HMCN1: variants seen among roughly 807,000 people sequenced by gnomAD.
HMCN1 encodes the protein hemicentin-1.
In HMCN1, 321 loss-of-function variants were observed where a neutral mutation model predicts 625.9. That is an observed-to-expected ratio of 0.51 (90% CI 0.47 to 0.56). HMCN1 has a LOEUF of 0.56. Ranked by LOEUF, HMCN1 falls within the 20% of genes least tolerant of loss-of-function variation. The pLI is 0.00. For synonymous variants in HMCN1, 2,425 were observed against 2,417.6 expected, an observed-to-expected ratio of 1.00 and a Z score of -0.09; for missense variants, 6,588 against 6,887.3, an observed-to-expected ratio of 0.96 and a Z score of 1.54.
intron 20 of HMCN1, 54 bp from the exon 21 acceptor site, chr1:185,989,434 T>A (rs1652249042): frequency 6.3e-7 from 1 of 1,598,908 alleles, no homozygotes; most frequent in Admixed American, 1.7e-5. Context: ...TCTTTTATAA[T>A]CTTGAAACAA....
At chr1:186,058,223 A>G (rs1379942084) in intron 46 of HMCN1, among the ~76,000 whole-genome samples, 1 of 152,026 alleles carries the variant, frequency 6.6e-6, no homozygotes, top group African/African-American at 2.4e-5. Context: ...CAAACCAGTT[A>G]TGAACTTATG....
At chr1:185,833,144 A>T (rs376607155) in intron 1 of HMCN1, among the ~76,000 whole-genome samples, 98 of 152,214 alleles carry the variant, frequency 6.4e-4, no homozygotes, top group Middle Eastern at 3.4e-3. Context: ...GGAGAAAAGG[A>T]TTATGTCTTT....
intron 41 of HMCN1, among the ~76,000 whole-genome samples, chr1:186,046,519 G>A (rs143542442): frequency 3.1e-4 from 47 of 152,038 alleles, no homozygotes; most frequent in Non-Finnish European, 5.9e-4. Flanking sequence ...TGTCCTTGAT[G>A]TCTTCCAGTC....
At chr1:186,050,757 A>G (rs1656897245) in intron 42 of HMCN1, among the ~76,000 whole-genome samples, 1 of 152,082 alleles carries the variant, frequency 6.6e-6, no homozygotes, top group East Asian at 1.9e-4. Context: ...CATCAAAGAT[A>G]GATTCACTTA....
At chr1:185,927,267 T>C (rs1489056517) in intron 9 of HMCN1, among the ~76,000 whole-genome samples, 1 of 152,184 alleles carries the variant, frequency 6.6e-6, no homozygotes, top group Non-Finnish European at 1.5e-5. Context: ...CAGTACCTCC[T>C]AGATGATGAC....
intron 6 of HMCN1, among the ~76,000 whole-genome samples, chr1:185,919,467 T>C (rs762410750): frequency 6.6e-6 from 1 of 152,200 alleles, no homozygotes; most frequent in Non-Finnish European, 1.5e-5. Flanking sequence ...TTGGTAGATT[T>C]ACTCGTAGAT....
intron 86 of HMCN1, among the ~76,000 whole-genome samples, chr1:186,132,910 C>T (rs984247065): frequency 6.6e-6 from 1 of 151,940 alleles, no homozygotes; most frequent in Non-Finnish European, 1.5e-5. Flanking sequence ...TTCCTCCTTG[C>T]GATAGTTTGC....
At chr1:186,028,628 C>G (rs1655214392) in intron 36 of HMCN1, among the ~76,000 whole-genome samples, 1 of 152,102 alleles carries the variant, frequency 6.6e-6, no homozygotes. Flanking sequence ...ATACCATGTA[C>G]TAGTGACTAT....
intron 46 of HMCN1, among the ~76,000 whole-genome samples, chr1:186,058,790 G>A (rs1657506045): frequency 6.6e-6 from 1 of 151,784 alleles, no homozygotes; most frequent in Non-Finnish European, 1.5e-5. Flanking sequence ...CACTACTGAA[G>A]GCATATTCAG....
intron 69 of HMCN1, among the ~76,000 whole-genome samples, chr1:186,105,063 T>C (rs750561637): frequency 6.6e-6 from 1 of 152,172 alleles, no homozygotes; most frequent in Non-Finnish European, 1.5e-5. Flanking sequence ...GAAAACAAGA[T>C]GAAGGTGTCA....
At chr1:185,857,566 A>G (rs1291436223) in intron 2 of HMCN1, among the ~76,000 whole-genome samples, 2 of 151,954 alleles carry the variant, frequency 1.3e-5, no homozygotes, top group African/African-American at 2.4e-5. Flanking sequence ...TCCTGACTGT[A>G]TGCCAGGACA....
intron 1 of HMCN1, among the ~76,000 whole-genome samples, chr1:185,784,293 C>A (rs541918756): frequency 1.3e-5 from 2 of 152,210 alleles, no homozygotes; most frequent in Non-Finnish European, 2.9e-5. Context: ...TGACCCCTTG[C>A]ACTTCCCGGG....
intron 42 of HMCN1, among the ~76,000 whole-genome samples, chr1:186,052,327 G>A (rs1482029548): frequency 6.6e-6 from 1 of 152,006 alleles, no homozygotes; most frequent in African/African-American, 2.4e-5. Flanking sequence ...TGCAGCCAAG[G>A]AAGTGTCCTT....
chr1:185,833,545 A>C (rs1390515381), intron 1 of HMCN1, among the ~76,000 whole-genome samples: 1 of 152,158 alleles, frequency 6.6e-6, no homozygotes, highest in Non-Finnish European at 1.5e-5. Flanking sequence ...GTCTTCATTG[A>C]TAACTTCTTC....
At chr1:186,125,381 G>A (rs1387271376) in intron 81 of HMCN1, among the ~76,000 whole-genome samples, 6 of 152,130 alleles carry the variant, frequency 3.9e-5, no homozygotes, top group South Asian at 4.2e-4. Flanking sequence ...GAAACCAAAC[G>A]TAAATATATT....
intron 1 of HMCN1, among the ~76,000 whole-genome samples, chr1:185,760,382 C>T (rs1013687066): frequency 6.6e-6 from 1 of 152,066 alleles, no homozygotes; most frequent in Non-Finnish European, 1.5e-5. Flanking sequence ...AGTAGTAGAG[C>T]CCGGGTAGTT....
At chr1:186,073,994 A>G (rs1658633818) in intron 52 of HMCN1, among the ~76,000 whole-genome samples, 1 of 152,032 alleles carries the variant, frequency 6.6e-6, no homozygotes, top group Admixed American at 6.6e-5. Flanking sequence ...AGAACACAGC[A>G]TTGGATGATT....
intron 4 of HMCN1, among the ~76,000 whole-genome samples, chr1:185,892,599 G>T (rs1049919659): frequency 4.5e-4 from 69 of 152,272 alleles, no homozygotes; most frequent in Middle Eastern, 3.4e-3. Context: ...CCCTGCTGGA[G>T]GGTGCCTCCC....
intron 15 of HMCN1, among the ~76,000 whole-genome samples, chr1:185,971,318 T>C (rs962384539): frequency 6.6e-6 from 1 of 152,206 alleles, no homozygotes; most frequent in East Asian, 1.9e-4. Context: ...TACAAAAAAA[T>C]GTCAATCATA....
Sources: gnomAD v4.1 joint callset for allele counts (sites outside exome capture counted in the v4.1 genomes callset) on GRCh38, gnomAD v4.1.1 for gene constraint, MANE v1.5 for transcripts, NCBI Gene and HGNC (gene_info 2026-07-23, HGNC 2026-07-21) for gene names.